Variants in TTLL7 observed in about 807,000 individuals in gnomAD.
The protein encoded by TTLL7 is tubulin tyrosine ligase like 7, also known as tubulin polyglutamylase TTLL7.
TTLL7 carries 53 observed loss-of-function variants against 120.2 expected under a neutral mutation model. The ratio of observed to expected loss-of-function variants is 0.44; its 90% CI spans 0.35 to 0.55. The LOEUF is 0.55. Among genes scored for constraint, TTLL7 ranks in the 20% least tolerant of loss-of-function variants. The probability of loss-of-function intolerance (pLI) is 0.00; values close to 1 mark genes in which losing one functional copy is unlikely to be tolerated. For missense variants in TTLL7, 803 were observed against 1,054.7 expected, an observed-to-expected ratio of 0.76 and a Z score of 3.31; for synonymous variants, 353 against 351.7, an observed-to-expected ratio of 1.00 and a Z score of -0.04.
chr1:83,942,440 A>C, intron 7 of TTLL7, 23 bp downstream of exon 7: 1 of 1,559,816 alleles, frequency 6.4e-7, no homozygotes, highest in Non-Finnish European at 8.8e-7. Context: ...ATGAAAAGAT[A>C]AGCTCTGTCT....
intron 1 of TTLL7, among the ~76,000 whole-genome samples, chr1:83,963,767 G>C (rs1450453647): frequency 1.3e-5 from 2 of 152,090 alleles, no homozygotes; most frequent in Admixed American, 1.3e-4. Context: ...GGGGAATACA[G>C]TTCTCTAGAG....
intron 6 of TTLL7, among the ~76,000 whole-genome samples, chr1:83,944,778 A>AT (rs1490400939): frequency 6.6e-6 from 1 of 152,180 alleles, no homozygotes; most frequent in East Asian, 1.9e-4. Flanking sequence ...TTCCTAATGA[A>AT]TTAAAAGACA....
chr1:83,941,172 T>G (rs1647926514), intron 7 of TTLL7, among the ~76,000 whole-genome samples: 1 of 152,188 alleles, frequency 6.6e-6, no homozygotes, highest in Non-Finnish European at 1.5e-5. Context: ...TCTCTAACCT[T>G]TATCTCCAAC....
intron 1 of TTLL7, among the ~76,000 whole-genome samples, chr1:83,962,383 C>G (rs1312025134): frequency 6.6e-6 from 1 of 152,058 alleles, no homozygotes; most frequent in Non-Finnish European, 1.5e-5. Flanking sequence ...CACCTTATTG[C>G]CCTTCTTGCC....
At chr1:83,949,560 T>C (rs1175975026) in intron 4 of TTLL7, 4 of 279,990 alleles carry the variant, frequency 1.4e-5, no homozygotes, top group African/African-American at 4.6e-5. Context: ...TCTCTTGACC[T>C]CGTGATCCAC....
intron 6 of TTLL7, among the ~76,000 whole-genome samples, chr1:83,945,540 T>C (rs1413355396): frequency 6.6e-6 from 1 of 152,136 alleles, no homozygotes; most frequent in African/African-American, 2.4e-5. Context: ...CTTTCAATAA[T>C]GGACAAAATA....
chr1:83,878,296 A>G (rs908353365), intron 20 of TTLL7, among the ~76,000 whole-genome samples: 1 of 151,848 alleles, frequency 6.6e-6, no homozygotes, highest in Non-Finnish European at 1.5e-5. Context: ...ACTTCTATAT[A>G]TGACAGTTAA....
intron 6 of TTLL7, among the ~76,000 whole-genome samples, chr1:83,943,206 T>C (rs1648146299): frequency 1.3e-5 from 2 of 152,174 alleles, no homozygotes; most frequent in Non-Finnish European, 2.9e-5. Context: ...ATCTAGGTTG[T>C]CTAGGGCAAC....
chr1:83,911,257 T>C lies in TTLL7; in HGVS notation c.1694A>G (p.Asn565Ser). The change falls in exon 15 of 21, where the codon AAT becomes AGT. Residue 565 changes from asparagine to serine, a missense_variant. Transcript: ENST00000260505. ...CTTATTTTGGTACTCTTCTTTTTCATTTTCGTCAGATTCTGAAGAGCTGCT... is the reference window on the plus strand; with the variant it reads ...CTTATTTTGGTACTCTTCTTTTTCACTTTCGTCAGATTCTGAAGAGCTGCT... Reference protein sequence around the residue: ...SSSSSSESDENEKEEYQNKKR... With the variant: ...SSSSSSESDESEKEEYQNKKR... 1 of 1,613,592 alleles carries C rather than the reference T, an allele frequency of 6.2e-7. No individual in the cohort carries two copies.
At chr1:83,938,766 T>C (rs553272228) in intron 7 of TTLL7, among the ~76,000 whole-genome samples, 1 of 152,372 alleles carries the variant, frequency 6.6e-6, no homozygotes, top group Non-Finnish European at 1.5e-5. Context: ...AATGGCTTTT[T>C]ATCAAGCTAG....
intron 1 of TTLL7, among the ~76,000 whole-genome samples, chr1:83,994,535 G>A (rs1392486244): frequency 6.6e-6 from 1 of 152,202 alleles, no homozygotes; most frequent in Non-Finnish European, 1.5e-5. Flanking sequence ...TCCTGCATGA[G>A]GGGAATTTCC....
chr1:83,970,783 G>A (rs1468650688), intron 1 of TTLL7, among the ~76,000 whole-genome samples: 1 of 152,030 alleles, frequency 6.6e-6, no homozygotes. Context: ...TGGCAGGGGA[G>A]CAGGGAAGCA....
chr1:83,970,744 T>C (rs1650896426), intron 1 of TTLL7, among the ~76,000 whole-genome samples: 1 of 152,018 alleles, frequency 6.6e-6, no homozygotes, highest in African/African-American at 2.4e-5. Flanking sequence ...CAAATAAAAG[T>C]AGTTTATTTT....
At chr1:83,907,895 T>C (rs1212308696) in intron 15 of TTLL7, among the ~76,000 whole-genome samples, 5 of 152,116 alleles carry the variant, frequency 3.3e-5, no homozygotes, top group Admixed American at 1.3e-4. Context: ...GGAATAATAC[T>C]ATCAACAATC....
At position 83,869,180 on chromosome 1, in the gene TTLL7, T is replaced by G. The variant is rs1003161987; in HGVS notation, c.*782A>C. 3.3e-5 allele frequency: 5 copies of G among 152,160 alleles called. No individual in the cohort carries two copies. The highest frequency in any genetic ancestry group is 7.3e-5 in the Non-Finnish European group (5 of 68,070). 9.4% of individuals were successfully genotyped at this position (152,160 alleles called of 1,614,324 possible). Reference sequence around the variant, plus strand: ...TAGTAGAGATGGGGTTTCACCATGTTGGCCAGGCTAGTCTCAAACTCCTGA... The same window carrying G: ...TAGTAGAGATGGGGTTTCACCATGTGGGCCAGGCTAGTCTCAAACTCCTGA... On this transcript the variant is annotated 3_prime_UTR_variant, in exon 21 of 21. Coordinates refer to ENST00000260505, the MANE Select transcript of TTLL7 (RefSeq NM_024686.6).
intron 1 of TTLL7, among the ~76,000 whole-genome samples, chr1:83,989,133 T>A (rs1404057337): frequency 3.3e-5 from 5 of 152,246 alleles, no homozygotes; most frequent in Non-Finnish European, 5.9e-5. Flanking sequence ...GTAGGTTGTC[T>A]GTCTACTCTG....
chr1:83,915,451 G>A (rs1658064951), intron 14 of TTLL7, among the ~76,000 whole-genome samples: 1 of 152,172 alleles, frequency 6.6e-6, no homozygotes, highest in Non-Finnish European at 1.5e-5. Flanking sequence ...GTAGAAAGCT[G>A]AAACTGGACC....
intron 1 of TTLL7, among the ~76,000 whole-genome samples, chr1:83,990,468 C>A (rs1299395320): frequency 6.6e-6 from 1 of 152,240 alleles, no homozygotes; most frequent in Non-Finnish European, 1.5e-5. Flanking sequence ...AGCCACCGCG[C>A]CCGGCCTGGA....
intron 14 of TTLL7, among the ~76,000 whole-genome samples, chr1:83,914,435 A>T (rs552860297): frequency 6.9e-6 from 1 of 145,472 alleles, no homozygotes; most frequent in Non-Finnish European, 1.5e-5. Context: ...ACGTTCAAGC[A>T]ATTCTCCTGC....
Sources: gnomAD v4.1 joint callset for allele counts (sites outside exome capture counted in the v4.1 genomes callset) on GRCh38, gnomAD v4.1.1 for gene constraint, MANE v1.5 for transcripts, NCBI Gene and HGNC (gene_info 2026-07-23, HGNC 2026-07-21) for gene names.